The following ASCC3 variants were observed in gnomAD, a reference collection of about 807,000 sequenced individuals.
ASCC3 encodes the protein ASC-1 complex subunit P200.
In ASCC3, 158 loss-of-function variants were observed where a neutral mutation model predicts 256.3. The observed-to-expected ratio is 0.62, with a 90% CI of 0.54 to 0.70. ASCC3 has a LOEUF of 0.70. Among genes scored for constraint, ASCC3 ranks in the 30% least tolerant of loss-of-function variants. The pLI, the probability that ASCC3 is intolerant of heterozygous loss-of-function variation, is 0.00. For missense variants in ASCC3, 2,259 were observed against 2,626.0 expected (o/e 0.86, Z 3.05); for synonymous variants, 948 against 883.4 (o/e 1.07, Z -1.30).
rs181759461 is a variant in ASCC3 at position 100,695,506 on chromosome 6, G to A, written c.2152-15754C>T. Among the ~76,000 whole-genome samples, 839 of 152,172 alleles carry A rather than the reference G, an allele frequency of 5.5e-3. 11 individuals are homozygous for A. The highest frequency in any genetic ancestry group is 0.02 in the African/African-American group (812 of 41,516). On this transcript the variant is annotated intron_variant, in intron 13 of 41. Transcript: ENST00000369162. ...GGCCTTCTGAGTAATAGAAACTAAA[G>A]TGCTAAACAGACAGAGAATGTCTTC...
chr6:100,697,577 A>G (rs1182416332), intron 13 of ASCC3, among the ~76,000 whole-genome samples: 1 of 152,058 alleles, frequency 6.6e-6, no homozygotes, highest in Non-Finnish European at 1.5e-5. Flanking sequence ...AAAATAAACA[A>G]AACTACTTGT....
intron 40 of ASCC3, among the ~76,000 whole-genome samples, chr6:100,512,265 T>C (rs1773801114): frequency 6.6e-6 from 1 of 152,202 alleles, no homozygotes; most frequent in Non-Finnish European, 1.5e-5. Context: ...TAGCCCAATG[T>C]GGTTCCTGTA....
chr6:100,786,311 A>T (rs927750209), intron 8 of ASCC3, among the ~76,000 whole-genome samples: 9 of 152,192 alleles, frequency 5.9e-5, no homozygotes, highest in Non-Finnish European at 8.8e-5. Flanking sequence ...GTTAGATATA[A>T]TGCGGATGGA....
intron 36 of ASCC3, among the ~76,000 whole-genome samples, chr6:100,568,936 C>A (rs1465720345): frequency 6.6e-6 from 1 of 151,758 alleles, no homozygotes; most frequent in African/African-American, 2.4e-5. Context: ...CGCCACCATG[C>A]CCAGCTAATT....
At chr6:100,726,981 T>C (rs1229829620) in intron 10 of ASCC3, among the ~76,000 whole-genome samples, 1 of 152,042 alleles carries the variant, frequency 6.6e-6, no homozygotes, top group African/African-American at 2.4e-5. Context: ...TGCCAAACAT[T>C]TGGTGTATTT....
At chr6:100,771,210 G>C (rs2115142348) in intron 8 of ASCC3, among the ~76,000 whole-genome samples, 1 of 152,148 alleles carries the variant, frequency 6.6e-6, no homozygotes, top group East Asian at 1.9e-4. Context: ...AATGATGCTA[G>C]AACAAATGGA....
chr6:100,647,269 C>A lies in ASCC3; in HGVS notation c.3435G>T (p.Lys1145Asn). 2 of 1,613,952 alleles carry A rather than the reference C, an allele frequency of 1.2e-6. No individual in the cohort carries two copies. Among genetic ancestry groups the A allele is most frequent in the Non-Finnish European group, 1.7e-6 (2 of 1,179,946 alleles). The change falls in exon 21 of 42, where the codon AAG (lysine) becomes AAT (asparagine). Residue 1145 changes from lysine (K) to asparagine (N), a missense_variant. Lys to Asn is a moderately conservative substitution (Grantham distance 94, BLOSUM62 0). Around this residue, in one of 2 missense-constraint regions of ASCC3, gnomAD observed 1,839 missense variants for 2,206.7 expected, o/e 0.83. Coordinates refer to ENST00000369162, the MANE Select transcript of ASCC3 (RefSeq NM_006828.4). Reference protein sequence around the residue: ...PHILTRLEEKKLTVDKLKDMR... With the variant: ...PHILTRLEEKNLTVDKLKDMR... ...TGTCTTTCAGCTTATCCACAGTAAG[C>A]TTTTTTTCTTCTAATCTTGTTAGGA...
At position 100,642,614 on chromosome 6, in the gene ASCC3, G is replaced by C. The variant is rs1324022550; in HGVS notation, c.3868C>G (p.Leu1290Val). The change falls in exon 24 of 42, where the codon CTA becomes GTA. Residue 1290 changes from leucine to valine, a missense_variant. By Grantham distance (32) the Leu-to-Val change is conservative. This residue lies in a region of ASCC3 where 1,839 missense variants were observed against 2,206.7 expected (regional missense o/e 0.83). Transcript: ENST00000369162. ...GGAGGATGTCTCTCTGGTAGAATTA[G>C]ATGTTGAAAGTTGATAATACATACT... ...EAVCIINFQHLILPERHPPHT... is the reference protein window; with the variant it reads ...EAVCIINFQHVILPERHPPHT... 20 of 1,613,768 alleles carry C rather than the reference G, an allele frequency of 1.2e-5. No individual in the cohort carries two copies. The highest frequency in any genetic ancestry group is 1.6e-5 in the Non-Finnish European group (19 of 1,179,880).
intron 4 of ASCC3, among the ~76,000 whole-genome samples, chr6:100,842,301 T>C (rs1772181428): frequency 6.6e-6 from 1 of 152,154 alleles, no homozygotes. Context: ...CAAATTGTAA[T>C]ACACACATTA....
At chr6:100,561,801 A>G (rs757381642) in intron 36 of ASCC3, among the ~76,000 whole-genome samples, 1 of 152,140 alleles carries the variant, frequency 6.6e-6, no homozygotes, top group Non-Finnish European at 1.5e-5. Flanking sequence ...TATACTGTTT[A>G]ATAAATAACA....
intron 36 of ASCC3, among the ~76,000 whole-genome samples, chr6:100,577,974 T>G (rs1202291715): frequency 6.6e-6 from 1 of 152,090 alleles, no homozygotes; most frequent in African/African-American, 2.4e-5. Context: ...CACACTGCAA[T>G]ATATTCTTAA....
chr6:100,816,921 T>TA (rs150963701), intron 4 of ASCC3, among the ~76,000 whole-genome samples: 3 of 151,134 alleles, frequency 2.0e-5, no homozygotes, highest in Non-Finnish European at 3.0e-5. Context: ...TTAAGAAATA[T>TA]AAAAAAAGTT....
intron 36 of ASCC3, among the ~76,000 whole-genome samples, chr6:100,577,816 C>T (rs1052330347): frequency 1.3e-5 from 2 of 151,894 alleles, no homozygotes; most frequent in Non-Finnish European, 2.9e-5. Flanking sequence ...CTGTATCTTG[C>T]CCTTAGAAAG....
At chr6:100,753,737 AC>A (rs1485041966) in intron 10 of ASCC3, among the ~76,000 whole-genome samples, 2 of 152,168 alleles carry the variant, frequency 1.3e-5, no homozygotes, top group Non-Finnish European at 2.9e-5. Flanking sequence ...GAATGTGCTG[AC>A]ATTTTGAAAC....
At chr6:100,861,962 C>T (rs190710064) in intron 3 of ASCC3, among the ~76,000 whole-genome samples, 24 of 152,154 alleles carry the variant, frequency 1.6e-4, no homozygotes, top group African/African-American at 5.3e-4. Flanking sequence ...ATTGAATAAG[C>T]TCAATATGTC....
chr6:100,820,808 T>C (rs182094823), intron 4 of ASCC3, among the ~76,000 whole-genome samples: 6 of 151,880 alleles, frequency 4.0e-5, no homozygotes, highest in Admixed American at 3.3e-4. Context: ...AAACCCAATA[T>C]AAAAATGAGC....
In ASCC3 at chr6:100,836,014, T is replaced by G. The variant is rs7743430; in HGVS notation, c.801+12134A>C. 5.6e-3 allele frequency among the ~76,000 whole-genome samples: 859 copies of G among 152,302 alleles called. 11 individuals carry two copies. Among genetic ancestry groups the G allele is most frequent in the African/African-American group, 0.02 (826 of 41,582 alleles). ...GTATTCTGTGTATGTGTAGCTATTT[T>G]AAATGGAATTGTTTTCTTGATTTGT... is the stretch of plus-strand genomic sequence containing the variant. On this transcript the variant is annotated intron_variant, in intron 4 of 41. Coordinates refer to ENST00000369162, the MANE Select transcript of ASCC3 (RefSeq NM_006828.4).
intron 36 of ASCC3, among the ~76,000 whole-genome samples, chr6:100,555,057 T>C (rs1405975273): frequency 6.6e-6 from 1 of 151,970 alleles, no homozygotes; most frequent in African/African-American, 2.4e-5. Context: ...TGGATTTACA[T>C]GGTATTTATA....
intron 1 of ASCC3, among the ~76,000 whole-genome samples, chr6:100,879,445 T>C (rs1769171319): frequency 6.6e-6 from 1 of 152,124 alleles, no homozygotes; most frequent in South Asian, 2.1e-4. Flanking sequence ...CCAGCCCCCA[T>C]CCTGAAGCTA....
Sources: allele counts gnomAD v4.1 joint callset (sites outside exome capture counted in the v4.1 genomes callset), GRCh38; gene constraint gnomAD v4.1.1; regional missense constraint gnomAD v4.1.1; transcripts MANE v1.5; gene names NCBI Gene and HGNC (gene_info 2026-07-23, HGNC 2026-07-21).